The following ARMC3 variants were observed in gnomAD, a reference collection of about 807,000 sequenced individuals.
ARMC3 encodes armadillo repeat containing 3.
A neutral mutation model predicts 90.3 loss-of-function variants in ARMC3; 74 were observed. The observed-to-expected ratio is 0.82, with a 90% CI of 0.68 to 0.99. The LOEUF (loss-of-function observed/expected upper bound fraction) is 0.99, where lower values mean the gene tolerates loss of function less well. Ranked by LOEUF, ARMC3 falls within the 50% of genes least tolerant of loss-of-function variation. The pLI, the probability that ARMC3 is intolerant of heterozygous loss-of-function variation, is 0.00. For missense variants in ARMC3, 958 were observed against 1,042.8 expected, an observed-to-expected ratio of 0.92 and a Z score of 1.12; for synonymous variants, 334 against 361.8, an observed-to-expected ratio of 0.92 and a Z score of 0.87.
rs1342750876 is a variant in ARMC3 at position 22,981,279 on chromosome 10, A to G, written c.917-61A>G. On this transcript the variant is annotated intron_variant, in intron 8 of 18. Coordinates refer to ENST00000298032, the MANE Select transcript of ARMC3 (RefSeq NM_173081.5). ...CCTATTAGACTTTGGATGGGAAAGT[A>G]GTAATACTTCGCAGTTTTTGCATTA... 11 of 1,430,806 alleles carry G rather than the reference A, an allele frequency of 7.7e-6. No individual in the cohort carries two copies. In the East Asian group the frequency reaches 2.3e-4, roughly 30 times the overall value. The allele number at this position is 1,430,806 out of a possible 1,614,324, so 88.6% of individuals were successfully genotyped here.
intron 11 of ARMC3, among the ~76,000 whole-genome samples, chr10:22,999,559 C>A (rs1437861564): frequency 6.6e-6 from 1 of 152,222 alleles, no homozygotes; most frequent in Non-Finnish European, 1.5e-5. Flanking sequence ...GTTTATTTGG[C>A]ACCTACTATG....
chr10:22,984,212 G>A (rs907897803), intron 10 of ARMC3, among the ~76,000 whole-genome samples: 1 of 152,172 alleles, frequency 6.6e-6, no homozygotes, highest in Non-Finnish European at 1.5e-5. Flanking sequence ...ATATCTTAAT[G>A]TGCCTAAAGT....
Position 23,003,251 on chromosome 10 carries a change from T to G in ARMC3, c.1568T>G (p.Leu523Ter). The change falls in exon 13 of 19, where the codon TTA becomes TGA. Residue 523 changes from leucine (L) to a stop codon, truncating the protein, a stop_gained. Transcript: ENST00000298032. LOFTEE classifies it high-confidence loss of function. Reference protein sequence around the residue: ...TANELCRLGALDILEEVNVSG... With the variant: ...TANELCRLGA ...CTTTTTGCTTTTATTGACAGGGCTT[T>G]AGATATCCTTGAAGAAGTTAACGTA... 1 of 1,612,062 alleles carries G rather than the reference T, an allele frequency of 6.2e-7. No individual in the cohort carries two copies. Among genetic ancestry groups the G allele is most frequent in the Non-Finnish European group, 8.5e-7 (1 of 1,179,308 alleles).
intron 2 of ARMC3, among the ~76,000 whole-genome samples, chr10:22,943,705 G>T (rs2131175631): frequency 6.6e-6 from 1 of 152,208 alleles, no homozygotes; most frequent in South Asian, 2.1e-4. Context: ...GGCTGAGGCA[G>T]GTGGATTCCC....
chr10:23,007,044 CA>C (rs1425499468), intron 14 of ARMC3, 63 bp downstream of exon 14: 1 of 1,339,616 alleles, frequency 7.5e-7, no homozygotes, highest in Non-Finnish European at 1.0e-6. Flanking sequence ...GTTGTTTCTC[CA>C]CCAACGTGTG....
chr10:23,010,933 T>TCCTTCCTTTCCATCCCCTCTCCTAC (rs1837979899), intron 16 of ARMC3, among the ~76,000 whole-genome samples: 1 of 42,034 alleles, frequency 2.4e-5, no homozygotes. Context: ...CCCTCCCCCT[T>TCCTTCCTTTCCATCCCCTCTCCTAC]CCTTCCTTTC....
In ARMC3 at chr10:23,008,836, T is replaced by G. The variant is rs1266979564; in HGVS notation, c.1950T>G (p.Ser650Arg). The stretch of plus-strand genomic sequence containing the variant: ...CAAGAAAAAATAGTTATCATTTTAG[T>G]GCTGGATTTGGATCTCCCATAGAAG... ...EKNKKNSYHF[S>R]AGFGSPIEDK... The change falls in exon 16 of 19, where the codon AGT becomes AGG. Residue 650 changes from serine to arginine, a missense_variant. Coordinates refer to ENST00000298032, the MANE Select transcript of ARMC3 (RefSeq NM_173081.5). 6 of 1,613,406 alleles carry G rather than the reference T, an allele frequency of 3.7e-6. No homozygotes were observed. The East Asian group carries it at 1.3e-4, about 36-fold the overall frequency.
At chr10:23,019,900 C>T (rs1474621518) in intron 16 of ARMC3, among the ~76,000 whole-genome samples, 17 of 152,134 alleles carry the variant, frequency 1.1e-4, no homozygotes, top group Non-Finnish European at 2.1e-4. Flanking sequence ...CAGTGTGTAA[C>T]GTTTGAGACT....
At position 22,946,124 on chromosome 10, in the gene ARMC3, G is replaced by C. The variant is rs1462378520; in HGVS notation, c.49-20G>C. 3 of 1,519,338 alleles carry C rather than the reference G, an allele frequency of 2.0e-6. No homozygotes were observed. The African/African-American group carries it at 4.2e-5, about 21-fold the overall frequency. The allele number at this position is 1,519,338 out of a possible 1,614,324, so 94.1% of individuals were successfully genotyped here. On this transcript the variant is annotated intron_variant, in intron 2 of 18. Transcript: ENST00000298032. ...TTAAAGCTCATATGTGAAACTGATA[G>C]TTTTCTTTCTGCCTTTCAGTTTGAC...
chr10:22,950,089 A>G (rs11511182), intron 3 of ARMC3, among the ~76,000 whole-genome samples: 9,266 of 122,474 alleles, frequency 0.076, 357 homozygotes, highest in Middle Eastern at 0.16. Context: ...CCAAATATAA[A>G]AAGCTAAAAT....
At chr10:22,963,882 C>A (rs975722598) in intron 7 of ARMC3, among the ~76,000 whole-genome samples, 1 of 112,858 alleles carries the variant, frequency 8.9e-6, no homozygotes, top group African/African-American at 3.5e-5. Context: ...GGGCGAGACT[C>A]TGTCTCACAC....
chr10:22,930,701 C>A (rs1298650447), intron 1 of ARMC3, among the ~76,000 whole-genome samples: 2 of 152,260 alleles, frequency 1.3e-5, no homozygotes, highest in South Asian at 2.1e-4. Flanking sequence ...CCTTGACATG[C>A]AATTTGAGCT....
intron 10 of ARMC3, among the ~76,000 whole-genome samples, chr10:22,996,113 G>A (rs75175469): frequency 0.024 from 3,642 of 152,224 alleles, 140 homozygotes; most frequent in African/African-American, 0.084. Flanking sequence ...AATTTTTAAG[G>A]AGGTTAAGTA....
intron 8 of ARMC3, among the ~76,000 whole-genome samples, chr10:22,978,781 G>T (rs780367074): frequency 3.3e-5 from 5 of 151,896 alleles, no homozygotes; most frequent in Non-Finnish European, 5.9e-5. Context: ...GACAAATATT[G>T]CTCCTTATAC....
chr10:23,010,071 A>G (rs1048483884), intron 16 of ARMC3, among the ~76,000 whole-genome samples: 1 of 151,648 alleles, frequency 6.6e-6, no homozygotes, highest in African/African-American at 2.4e-5. Flanking sequence ...CAATATTCTC[A>G]TCACTGCTAC....
intron 7 of ARMC3, among the ~76,000 whole-genome samples, chr10:22,967,399 G>A (rs1399992272): frequency 2.0e-5 from 3 of 151,960 alleles, no homozygotes; most frequent in African/African-American, 4.8e-5. Context: ...ATAATCTTCA[G>A]ACAATAATGA....
At chr10:23,000,141 A>G (rs1837216522) in intron 11 of ARMC3, among the ~76,000 whole-genome samples, 2 of 152,034 alleles carry the variant, frequency 1.3e-5, no homozygotes, top group South Asian at 4.1e-4. Flanking sequence ...CAACATCTGC[A>G]GGGGCCCTCC....
intron 2 of ARMC3, among the ~76,000 whole-genome samples, chr10:22,937,002 A>T (rs1464671299): frequency 6.6e-6 from 1 of 151,920 alleles, no homozygotes; most frequent in Non-Finnish European, 1.5e-5. Flanking sequence ...CTCCCAGCTC[A>T]ACTGATCCTC....
intron 6 of ARMC3, 197 bp from the exon 7 acceptor site, chr10:22,961,683 ATGTC>A (rs1835200604): frequency 1.9e-6 from 1 of 515,380 alleles, no homozygotes; most frequent in Non-Finnish European, 3.4e-6. Flanking sequence ...GTTGTAGACA[ATGTC>A]TACATATTAC....
Sources: gnomAD v4.1 joint callset for allele counts (sites outside exome capture counted in the v4.1 genomes callset) on GRCh38, gnomAD v4.1.1 for gene constraint, MANE v1.5 for transcripts, NCBI Gene and HGNC (gene_info 2026-07-23, HGNC 2026-07-21) for gene names.